Variants in RBMS1 observed in about 807,000 individuals in gnomAD.
RBMS1 encodes the protein RNA-binding motif, single-stranded-interacting protein 1.
RBMS1 carries 17 observed loss-of-function variants against 62.3 expected under a neutral mutation model. That is an observed-to-expected ratio of 0.27 (90% confidence interval 0.19 to 0.41). The LOEUF is 0.41. Among genes scored for constraint, RBMS1 ranks in the 10% least tolerant of loss-of-function variants. The pLI is 1.00. For synonymous variants in RBMS1, 172 were observed against 170.0 expected (o/e 1.01, Z -0.09); for missense variants, 334 against 504.5 (o/e 0.66, Z 3.24).
chr2:160,435,497 C>A (rs11688486), intron 1 of RBMS1, among the ~76,000 whole-genome samples: 1 of 151,882 alleles, frequency 6.6e-6, no homozygotes, highest in African/African-American at 2.4e-5. Flanking sequence ...AATAAAGGAA[C>A]GATTATATAG....
At chr2:160,324,443 T>C (rs1690773426) in intron 2 of RBMS1, among the ~76,000 whole-genome samples, 1 of 152,174 alleles carries the variant, frequency 6.6e-6, no homozygotes, top group Non-Finnish European at 1.5e-5. Context: ...TTAAGGCACA[T>C]GGGGTCATTT....
chr2:160,490,566 T>A (rs1270856226), intron 1 of RBMS1, among the ~76,000 whole-genome samples: 1 of 152,178 alleles, frequency 6.6e-6, no homozygotes, highest in Non-Finnish European at 1.5e-5. Context: ...GGTATTTTTT[T>A]ATTAATAAAA....
intron 1 of RBMS1, among the ~76,000 whole-genome samples, chr2:160,433,737 T>C (rs748598460): frequency 5.3e-5 from 8 of 152,260 alleles, no homozygotes; most frequent in Non-Finnish European, 1.2e-4. Flanking sequence ...GAGACTGTTC[T>C]TTTTCATATC....
At chr2:160,406,884 G>A (rs1180463312) in intron 1 of RBMS1, among the ~76,000 whole-genome samples, 3 of 152,192 alleles carry the variant, frequency 2.0e-5, no homozygotes, top group Non-Finnish European at 1.5e-5. Flanking sequence ...GCATATCCAA[G>A]TATCTTCTGC....
chr2:160,315,491 T>C (rs1054717443), intron 3 of RBMS1, among the ~76,000 whole-genome samples: 18 of 152,182 alleles, frequency 1.2e-4, no homozygotes, highest in African/African-American at 3.6e-4. Context: ...TTACTCCTGC[T>C]CTCCTCTCAC....
At chr2:160,360,831 T>C (rs758503235) in intron 2 of RBMS1, among the ~76,000 whole-genome samples, 1 of 152,214 alleles carries the variant, frequency 6.6e-6, no homozygotes, top group Non-Finnish European at 1.5e-5. Flanking sequence ...CTATCCTGTC[T>C]CTCTGCTGAC....
chr2:160,469,926 A>G (rs1428636442), intron 1 of RBMS1, among the ~76,000 whole-genome samples: 1 of 152,266 alleles, frequency 6.6e-6, no homozygotes, highest in East Asian at 1.9e-4. Context: ...GAAGATTCTT[A>G]ATAAAAAATG....
intron 1 of RBMS1, among the ~76,000 whole-genome samples, chr2:160,398,719 TAGAA>T (rs753652522): frequency 4.7e-4 from 71 of 152,142 alleles, no homozygotes; most frequent in Admixed American, 2.6e-4. Context: ...ATCCTTGTAA[TAGAA>T]AGGCTGGGTT....
intron 1 of RBMS1, among the ~76,000 whole-genome samples, chr2:160,437,979 G>C (rs1440945423): frequency 6.6e-6 from 1 of 152,132 alleles, no homozygotes; most frequent in East Asian, 1.9e-4. Context: ...TTACTCCTGT[G>C]ATCAGGGAGA....
intron 1 of RBMS1, among the ~76,000 whole-genome samples, chr2:160,475,887 C>T (rs1685105407): frequency 6.9e-6 from 1 of 144,058 alleles, no homozygotes; most frequent in Admixed American, 7.2e-5. Context: ...GAAGGGTTCT[C>T]ACTCCATCAC....
At chr2:160,375,006 A>G (rs1284815202) in intron 1 of RBMS1, among the ~76,000 whole-genome samples, 1 of 152,132 alleles carries the variant, frequency 6.6e-6, no homozygotes, top group Non-Finnish European at 1.5e-5. Context: ...CCTGGCCAGG[A>G]GCAGGAATGA....
chr2:160,393,613 A>G (rs1559495807), intron 1 of RBMS1, among the ~76,000 whole-genome samples: 1 of 152,058 alleles, frequency 6.6e-6, no homozygotes, highest in Non-Finnish European at 1.5e-5. Context: ...CTTCGTCTCC[A>G]CTAAAAATAC....
intron 1 of RBMS1, among the ~76,000 whole-genome samples, chr2:160,471,691 G>GTGTGTATATATATATA (rs1275928756): frequency 1.5e-5 from 1 of 65,950 alleles, no homozygotes; most frequent in African/African-American, 4.9e-5. Context: ...ATCCTTTGGT[G>GTGTGTATATATATATA]TATATATATA....
chr2:160,338,898 G>A (rs531154977), intron 2 of RBMS1, among the ~76,000 whole-genome samples: 1 of 152,296 alleles, frequency 6.6e-6, no homozygotes, highest in African/African-American at 2.4e-5. Flanking sequence ...GGCCCTATTT[G>A]TGCCAGGCAC....
At chr2:160,405,943 T>C (rs796888334) in intron 1 of RBMS1, among the ~76,000 whole-genome samples, 67 of 152,308 alleles carry the variant, frequency 4.4e-4, no homozygotes, top group African/African-American at 1.5e-3. Flanking sequence ...GGAATGTTTA[T>C]TGTAAATTGG....
intron 1 of RBMS1, chr2:160,367,664 A>G: frequency 2.8e-6 from 1 of 357,712 alleles, no homozygotes; most frequent in Non-Finnish European, 4.7e-6. Context: ...CACATTTTTC[A>G]GGAACACATC....
intron 1 of RBMS1, among the ~76,000 whole-genome samples, chr2:160,430,053 G>A (rs978566684): frequency 1.3e-5 from 2 of 152,216 alleles, no homozygotes; most frequent in African/African-American, 4.8e-5. Context: ...AGAGGAGAAT[G>A]GAGGCACTCC....
intron 1 of RBMS1, among the ~76,000 whole-genome samples, chr2:160,460,656 C>T (rs1330641494): frequency 1.3e-5 from 2 of 152,342 alleles, no homozygotes; most frequent in African/African-American, 4.8e-5. Flanking sequence ...TCCTCTCTGG[C>T]TGTTTTGCTT....
At chr2:160,363,064 G>T (rs1273959362) in intron 2 of RBMS1, among the ~76,000 whole-genome samples, 1 of 152,198 alleles carries the variant, frequency 6.6e-6, no homozygotes, top group Non-Finnish European at 1.5e-5. Context: ...GTAGGCTCTG[G>T]ACCAGCTCTT....
Sources: gnomAD v4.1 joint callset for allele counts (sites outside exome capture counted in the v4.1 genomes callset) on GRCh38, gnomAD v4.1.1 for gene constraint, MANE v1.5 for transcripts, NCBI Gene and HGNC (gene_info 2026-07-23, HGNC 2026-07-21) for gene names.